The following NYAP2 variants were observed in gnomAD, a reference collection of about 807,000 sequenced individuals.
NYAP2 encodes the protein neuronal tyrosine-phosphorylated phosphoinositide-3-kinase adaptor 2.
A neutral mutation model predicts 50.4 loss-of-function variants in NYAP2; 23 were observed. That is an observed-to-expected ratio of 0.46 (90% CI 0.33 to 0.65). NYAP2 has a LOEUF of 0.65. Ranked by LOEUF, NYAP2 falls within the 30% of genes least tolerant of loss-of-function variation. The probability of loss-of-function intolerance (pLI) is 0.02; values close to 1 mark genes in which losing one functional copy is unlikely to be tolerated. For synonymous variants in NYAP2, 394 were observed against 365.2 expected (o/e 1.08, Z -0.90); for missense variants, 885 against 861.0 (o/e 1.03, Z -0.35).
chr2:225,405,773 C>A (rs1694931510), intron 2 of NYAP2, among the ~76,000 whole-genome samples: 1 of 151,864 alleles, frequency 6.6e-6, no homozygotes, highest in Non-Finnish European at 1.5e-5. Flanking sequence ...TCTTTATTTT[C>A]TAGATGTGGA....
chr2:225,546,003 C>T (rs182247055), intron 4 of NYAP2, among the ~76,000 whole-genome samples: 4 of 152,280 alleles, frequency 2.6e-5, no homozygotes, highest in East Asian at 1.9e-4. Flanking sequence ...ACCCAGCTCT[C>T]GTTCTCTTTC....
intron 3 of NYAP2, among the ~76,000 whole-genome samples, chr2:225,494,255 T>A (rs1690461844): frequency 6.6e-6 from 1 of 152,232 alleles, no homozygotes; most frequent in South Asian, 2.1e-4. Flanking sequence ...TCAATGACTA[T>A]GTCTCCCCAC....
chr2:225,590,225 T>C (rs1692473840), intron 5 of NYAP2, among the ~76,000 whole-genome samples: 1 of 152,220 alleles, frequency 6.6e-6, no homozygotes, highest in Non-Finnish European at 1.5e-5. Context: ...TCCTGTGGCC[T>C]CAGACTGGCT....
chr2:225,502,684 A>G (rs1690627355), intron 3 of NYAP2, among the ~76,000 whole-genome samples: 1 of 152,106 alleles, frequency 6.6e-6, no homozygotes, highest in African/African-American at 2.4e-5. Context: ...ATGAAGTCTT[A>G]CTCATGATCT....
At chr2:225,437,251 T>C (rs1269944806) in intron 3 of NYAP2, among the ~76,000 whole-genome samples, 1 of 152,156 alleles carries the variant, frequency 6.6e-6, no homozygotes, top group African/African-American at 2.4e-5. Context: ...AAAGGCTTCA[T>C]GGCAGTCACA....
chr2:225,409,884 A>G (rs1317409765), intron 3 of NYAP2, among the ~76,000 whole-genome samples: 1 of 152,098 alleles, frequency 6.6e-6, no homozygotes. Context: ...AATAAAGTTC[A>G]CTTACTAAGT....
intron 5 of NYAP2, among the ~76,000 whole-genome samples, chr2:225,616,011 C>A (rs1303507107): frequency 6.6e-6 from 1 of 152,106 alleles, no homozygotes; most frequent in South Asian, 2.1e-4. Context: ...GCTGTTTGTG[C>A]GATCTTGGGC....
intron 3 of NYAP2, among the ~76,000 whole-genome samples, chr2:225,458,341 T>C (rs1261633849): frequency 1.3e-5 from 2 of 152,136 alleles, no homozygotes; most frequent in African/African-American, 2.4e-5. Flanking sequence ...ACAGAAAATC[T>C]ACGTACTTTA....
chr2:225,409,445 C>G (rs60974951), intron 3 of NYAP2, among the ~76,000 whole-genome samples: 1,724 of 152,110 alleles, frequency 0.011, 36 homozygotes, highest in African/African-American at 0.04. Flanking sequence ...TGATGAAAAT[C>G]CCTACCTTTA....
At chr2:225,683,750 A>G in the NYAP2 span, among the ~76,000 whole-genome samples, 1 of 152,278 alleles carries the variant, frequency 6.6e-6, no homozygotes, top group Middle Eastern at 3.4e-3. Flanking sequence ...AAAGAGAGCA[A>G]GATGGAAAAT....
At chr2:225,405,634 CT>C (rs1694928363) in intron 2 of NYAP2, among the ~76,000 whole-genome samples, 3 of 151,946 alleles carry the variant, frequency 2.0e-5, no homozygotes. Context: ...ATAAGGTTCT[CT>C]TTTCTCTAGT....
intron 3 of NYAP2, among the ~76,000 whole-genome samples, chr2:225,437,543 C>A (rs1192529601): frequency 3.9e-5 from 6 of 152,126 alleles, no homozygotes; most frequent in African/African-American, 1.4e-4. Flanking sequence ...TCACTTCCTG[C>A]CACTAATTGG....
At chr2:225,418,432 A>G (rs1695160042) in intron 3 of NYAP2, among the ~76,000 whole-genome samples, 1 of 152,148 alleles carries the variant, frequency 6.6e-6, no homozygotes, top group Admixed American at 6.6e-5. Flanking sequence ...TGTAAAAGCA[A>G]TAGAGATGAG....
chr2:225,446,220 C>G (rs6758361), intron 3 of NYAP2, among the ~76,000 whole-genome samples: 9,496 of 67,460 alleles, frequency 0.14, 472 homozygotes, highest in African/African-American at 0.21. Flanking sequence ...CTGTCTGTCT[C>G]TCTCTCTCTC....
chr2:225,532,139 G>C (rs1233248754), intron 4 of NYAP2, among the ~76,000 whole-genome samples: 1 of 152,072 alleles, frequency 6.6e-6, no homozygotes, highest in African/African-American at 2.4e-5. Flanking sequence ...GTTTCACTTA[G>C]CCATTTCTAT....
chr2:225,520,583 A>G (rs1405879514), intron 4 of NYAP2, among the ~76,000 whole-genome samples: 1 of 152,096 alleles, frequency 6.6e-6, no homozygotes, highest in Admixed American at 6.5e-5. Context: ...AGATAGTTGT[A>G]GATGTGTGGT....
exon 1 of NYAP2, chr2:225,400,127 T>C (rs1694835833): frequency 6.6e-6 from 1 of 152,122 alleles, no homozygotes; most frequent in Non-Finnish European, 1.5e-5. Context: ...ATTTCTTCAG[T>C]TGCTTCTCCC....
Position 225,515,661 on chromosome 2 carries a change from C to G in NYAP2, c.523+1989C>G, listed in dbSNP as rs1192531389. Reference sequence around the variant, plus strand: ...ATACTAAAAGGCCCCAGAGGCCTACCATTTGTAAATTTTAAATGTGGTTCA... The same window carrying G: ...ATACTAAAAGGCCCCAGAGGCCTACGATTTGTAAATTTTAAATGTGGTTCA... On this transcript the variant is annotated intron_variant, in intron 4 of 6. Transcript: ENST00000636099. Among the ~76,000 whole-genome samples, 3 of 152,090 alleles carry G rather than the reference C, an allele frequency of 2.0e-5. No homozygotes were observed. In the East Asian group the frequency reaches 5.8e-4, roughly 29 times the overall value.
intron 4 of NYAP2, among the ~76,000 whole-genome samples, chr2:225,558,228 T>C (rs980303956): frequency 1.3e-5 from 2 of 152,200 alleles, no homozygotes; most frequent in African/African-American, 4.8e-5. Flanking sequence ...TCATTGCTGC[T>C]ATAAAAGTAT....
Sources: allele counts gnomAD v4.1 joint callset (sites outside exome capture counted in the v4.1 genomes callset), GRCh38; gene constraint gnomAD v4.1.1; transcripts MANE v1.5; gene names NCBI Gene and HGNC (gene_info 2026-07-23, HGNC 2026-07-21).